SBF2: variants seen among roughly 807,000 people sequenced by gnomAD.
SBF2 encodes myotubularin-related protein 13.
Under a neutral mutation model 225.2 loss-of-function variants are expected in SBF2, and 112 were observed. The ratio of observed to expected loss-of-function variants is 0.50; its 90% CI spans 0.43 to 0.58. The LOEUF (loss-of-function observed/expected upper bound fraction) is 0.58. SBF2 is among the 20% of genes least tolerant of loss of function. The pLI, the probability that SBF2 is intolerant of heterozygous loss-of-function variation, is 0.00. For missense variants in SBF2, 1,996 were observed against 2,206.2 expected, an observed-to-expected ratio of 0.90 and a Z score of 1.91; for synonymous variants, 763 against 773.3, an observed-to-expected ratio of 0.99 and a Z score of 0.22.
intron 16 of SBF2, among the ~76,000 whole-genome samples, chr11:9,925,283 G>T (rs1418732350): frequency 2.0e-5 from 3 of 149,332 alleles, no homozygotes; most frequent in African/African-American, 4.9e-5. Context: ...AGTCACTAAT[G>T]ATATATATAT....
chr11:9,997,575 G>A (rs1488174340), intron 9 of SBF2, among the ~76,000 whole-genome samples: 2 of 152,084 alleles, frequency 1.3e-5, no homozygotes, highest in African/African-American at 4.8e-5. Context: ...TCAGGAGATC[G>A]AGACCATCCT....
At chr11:9,863,089 AG>A (rs71453935) in intron 17 of SBF2, among the ~76,000 whole-genome samples, 40,809 of 152,094 alleles carry the variant, frequency 0.27, 6,346 homozygotes, top group African/African-American at 0.42. Context: ...TTCTTTATCT[AG>A]AAAAAACAGC....
At chr11:10,092,971 GTA>G (rs1345136403) in intron 2 of SBF2, among the ~76,000 whole-genome samples, 3 of 151,190 alleles carry the variant, frequency 2.0e-5, no homozygotes, top group African/African-American at 7.3e-5. Context: ...TTTACACTGT[GTA>G]TGATTCAAGT....
At chr11:9,972,522 C>G (rs1946510123) in intron 13 of SBF2, among the ~76,000 whole-genome samples, 1 of 152,172 alleles carries the variant, frequency 6.6e-6, no homozygotes, top group Non-Finnish European at 1.5e-5. Context: ...ACTTTGTTGT[C>G]CAGGCTGGGG....
Position 9,924,913 on chromosome 11 carries a change from T to G in SBF2, c.1861-28902A>C, listed in dbSNP as rs148638319. On this transcript the variant is annotated intron_variant, in intron 16 of 39. Transcript: ENST00000256190. ...ACAGGTGTACACCATCATGTCCAGC[T>G]ATTTTTTTTATGTTTTGCAGAGATG... is the stretch of plus-strand genomic sequence containing the variant. Among the ~76,000 whole-genome samples the G allele has an allele frequency of 2.2e-3, 340 of 152,122 alleles. 1 individual carries two copies. Among genetic ancestry groups the G allele is most frequent in the Middle Eastern group, 0.014 (4 of 294 alleles).
At chr11:9,905,840 A>T (rs1862072859) in intron 16 of SBF2, among the ~76,000 whole-genome samples, 2 of 152,208 alleles carry the variant, frequency 1.3e-5, no homozygotes, top group South Asian at 4.1e-4. Context: ...GGAGAAAAGA[A>T]ATATGAGTCA....
intron 16 of SBF2, among the ~76,000 whole-genome samples, chr11:9,903,665 AT>A (rs1861903373): frequency 1.3e-5 from 2 of 152,214 alleles, no homozygotes; most frequent in Admixed American, 6.5e-5. Context: ...GTCAAGTGCC[AT>A]TTTAACCTTG....
At chr11:10,073,541 T>C (rs1312090325) in intron 2 of SBF2, among the ~76,000 whole-genome samples, 1 of 151,952 alleles carries the variant, frequency 6.6e-6, no homozygotes, top group African/African-American at 2.4e-5. Flanking sequence ...GGCGAAACAC[T>C]GTCTGTCTCT....
intron 1 of SBF2, among the ~76,000 whole-genome samples, chr11:10,255,543 C>T (rs1450707199): frequency 6.6e-6 from 1 of 152,164 alleles, no homozygotes; most frequent in African/African-American, 2.4e-5. Flanking sequence ...TCCAGATATT[C>T]GTTTTACATA....
In SBF2 at chr11:10,042,865, A is replaced by G. The variant is rs778681306; in HGVS notation, c.258T>C (p.Tyr86=). ...GTACCTGAAGATTGATCTCTGCCTC[A>G]TAGAAGGTTAGGCATGAGCAGTAAT... is the stretch of plus-strand genomic sequence containing the variant. The part of the protein sequence containing the change: ...DRHYCSCLTF[Y]EAEINLQGTK... Residue 86 remains tyrosine (Y), a synonymous_variant, in exon 3 of 40, where the codon TAT becomes TAC. Coordinates refer to ENST00000256190, the MANE Select transcript of SBF2 (RefSeq NM_030962.4). The G allele has an allele frequency of 1.9e-5, 30 of 1,613,948 alleles. No individual in the cohort carries two copies. Among genetic ancestry groups the G allele is most frequent in the African/African-American group, 2.7e-5 (2 of 74,934 alleles).
intron 17 of SBF2, among the ~76,000 whole-genome samples, chr11:9,859,827 T>A (rs1409949088): frequency 6.6e-6 from 1 of 152,202 alleles, no homozygotes; most frequent in East Asian, 1.9e-4. Flanking sequence ...TGGGTGGTTG[T>A]GATTTTGCCT....
intron 17 of SBF2, among the ~76,000 whole-genome samples, chr11:9,883,022 T>C (rs910710330): frequency 3.9e-5 from 6 of 152,034 alleles, no homozygotes; most frequent in Non-Finnish European, 8.8e-5. Context: ...TAATTCCAGC[T>C]ACTAGGGAAG....
intron 16 of SBF2, among the ~76,000 whole-genome samples, chr11:9,945,745 A>C (rs1272805070): frequency 6.6e-6 from 1 of 152,226 alleles, no homozygotes; most frequent in African/African-American, 2.4e-5. Flanking sequence ...CCAACAAGCA[A>C]ACCCAAATAA....
At chr11:9,945,689 T>C (rs1244963657) in intron 16 of SBF2, among the ~76,000 whole-genome samples, 1 of 152,120 alleles carries the variant, frequency 6.6e-6, no homozygotes, top group African/African-American at 2.4e-5. Flanking sequence ...TAACAAACTA[T>C]GCATCTGACA....
At chr11:9,790,726 C>T (rs759720625) in intron 33 of SBF2, 43 bp from the exon 34 acceptor site, 2 of 1,490,002 alleles carry the variant, frequency 1.3e-6, no homozygotes, top group Non-Finnish European at 9.3e-7. Context: ...TAAATAAATT[C>T]ACACTTTGCC....
chr11:9,935,225 TA>T (rs1864805931), intron 16 of SBF2, among the ~76,000 whole-genome samples: 1 of 151,860 alleles, frequency 6.6e-6, no homozygotes, highest in Non-Finnish European at 1.5e-5. Flanking sequence ...GAGAATAAAA[TA>T]CCTAGGAATC....
rs758955944 is a variant in SBF2, at chr11:10,028,486, C to A, written c.585G>T (p.Thr195=). ...QTPLHDSLPI[T]GTSVALLFQQ... ...GGAACAGGAGAGCCACACTAGTGCC[C>A]GTGATAGGAAGACTATCATGTAAAG... is the stretch of plus-strand genomic sequence containing the variant. The change falls in exon 6 of 40, where the codon ACG becomes ACT. Residue 195 remains threonine (T), a synonymous_variant. Coordinates refer to ENST00000256190, the MANE Select transcript of SBF2 (RefSeq NM_030962.4). 9 of 1,613,330 alleles carry A rather than the reference C, an allele frequency of 5.6e-6. No homozygotes were observed. In the African/African-American group the frequency reaches 1.2e-4, roughly 22 times the overall value.
intron 1 of SBF2, among the ~76,000 whole-genome samples, chr11:10,196,927 C>T (rs1484434112): frequency 2.1e-5 from 3 of 142,860 alleles, no homozygotes; most frequent in Non-Finnish European, 4.5e-5. Flanking sequence ...TGGCTTATTA[C>T]TTAATATTTT....
At position 10,300,508 on chromosome 11, in the gene SBF2, GA is replaced by G. The variant is rs1425324507; in HGVS notation, n.386+3983del. On this transcript the variant is annotated intron_variant and non_coding_transcript_variant, in intron 1 of 5. Transcript: ENST00000685217. ...TGATGAAACCACATCTCTATAAAAA[GA>G]AAAAAATATATATAAATATATATAC... Among the ~76,000 whole-genome samples, 25 of 150,924 alleles carry G rather than the reference GA, an allele frequency of 1.7e-4. No homozygotes were observed. The East Asian group carries it at 4.5e-3, about 27-fold the overall frequency.
Sources: gnomAD v4.1 joint callset for allele counts (sites outside exome capture counted in the v4.1 genomes callset) on GRCh38, gnomAD v4.1.1 for gene constraint, MANE v1.5 for transcripts, NCBI Gene and HGNC (gene_info 2026-07-23, HGNC 2026-07-21) for gene names.